Variants in NME7 observed in about 807,000 individuals in gnomAD.
NME7 encodes NME/NM23 family member 7.
NME7 carries 41 observed loss-of-function variants against 49.1 expected under a neutral mutation model. The observed-to-expected ratio is 0.83, with a 90% CI of 0.65 to 1.08. The LOEUF (loss-of-function observed/expected upper bound fraction) is 1.08, where lower values mean the gene tolerates loss of function less well. Ranked by LOEUF, NME7 falls within the 50% of genes least tolerant of loss-of-function variation. The pLI is 0.00. For synonymous variants in NME7, 139 were observed against 150.6 expected (o/e 0.92, Z 0.56); for missense variants, 423 against 463.4 (o/e 0.91, Z 0.80).
intron 1 of NME7, among the ~76,000 whole-genome samples, chr1:169,355,052 A>C: frequency 1.3e-5 from 1 of 76,036 alleles, no homozygotes; most frequent in Non-Finnish European, 2.3e-5. Context: ...GATATAATAT[A>C]TAATATACTA....
chr1:169,247,430 T>C (rs1648368549), intron 7 of NME7, among the ~76,000 whole-genome samples: 1 of 152,192 alleles, frequency 6.6e-6, no homozygotes, highest in Admixed American at 6.5e-5. Flanking sequence ...CTAGGAGATT[T>C]TCATGAATGT....
At chr1:169,253,561 T>C (rs1372610513) in intron 7 of NME7, among the ~76,000 whole-genome samples, 1 of 152,162 alleles carries the variant, frequency 6.6e-6, no homozygotes, top group Non-Finnish European at 1.5e-5. Flanking sequence ...TATTTCCTTC[T>C]CCTGCCTAAT....
chr1:169,176,233 C>A (rs1333233529), intron 10 of NME7, among the ~76,000 whole-genome samples: 1 of 151,982 alleles, frequency 6.6e-6, no homozygotes, highest in Non-Finnish European at 1.5e-5. Flanking sequence ...AGGGAGAGAC[C>A]CAGAGGCTAC....
At chr1:169,269,126 C>T (rs1421146769) in intron 7 of NME7, among the ~76,000 whole-genome samples, 1 of 133,360 alleles carries the variant, frequency 7.5e-6, no homozygotes, top group African/African-American at 2.5e-5. Flanking sequence ...TTTGTAGGGA[C>T]TAACAGAACT....
chr1:169,177,415 A>G (rs1659783825), intron 10 of NME7, among the ~76,000 whole-genome samples: 2 of 152,154 alleles, frequency 1.3e-5, no homozygotes, highest in Admixed American at 1.3e-4. Context: ...AGCAGTTAGA[A>G]TAAGCTTTAA....
Position 169,267,307 on chromosome 1 carries a change from T to C in NME7, c.754+19996A>G, listed in dbSNP as rs1427642467. 3.0e-5 allele frequency among the ~76,000 whole-genome samples: 4 copies of C among 133,820 alleles called. 1 individual carries two copies. Among genetic ancestry groups the C allele is most frequent in the African/African-American group, 5.1e-5 (2 of 39,474 alleles). The allele number at this position is 133,820 out of a possible 152,430, so 87.8% of individuals were successfully genotyped here. ...TGTAAGAACATTCCATGCTCTTAGA[T>C]GGGAAGAATCAATATCATTAAAATG... On this transcript the variant is annotated intron_variant, in intron 7 of 11. Coordinates refer to ENST00000367811, the MANE Select transcript of NME7 (RefSeq NM_013330.5).
chr1:169,151,864 C>T (rs535046451), intron 11 of NME7, among the ~76,000 whole-genome samples: 1 of 152,178 alleles, frequency 6.6e-6, no homozygotes, highest in African/African-American at 2.4e-5. Flanking sequence ...CCTACATGAC[C>T]TGATCTGAAG....
At position 169,259,217 on chromosome 1, in the gene NME7, C is replaced by T. The variant is rs1024397579; in HGVS notation, c.755-21530G>A. 1.1e-4 allele frequency among the ~76,000 whole-genome samples: 15 copies of T among 133,032 alleles called. 4 individuals are homozygous for T. Among genetic ancestry groups the T allele is most frequent in the Non-Finnish European group, 8.8e-5 (5 of 56,650 alleles). 87.3% of individuals were successfully genotyped at this position (133,032 alleles called of 152,430 possible). On this transcript the variant is annotated intron_variant, in intron 7 of 11. Coordinates refer to ENST00000367811, the MANE Select transcript of NME7 (RefSeq NM_013330.5). ...ATCACCCACATCAAAAGCCCACCCT[C>T]GAAGCCCTCTATATATGCCTCCCAA...
chr1:169,207,353 G>A (rs569102463), intron 10 of NME7, among the ~76,000 whole-genome samples: 3 of 152,174 alleles, frequency 2.0e-5, no homozygotes, highest in East Asian at 1.9e-4. Context: ...TACCTCCAAT[G>A]CTGAGAATCA....
At chr1:169,315,206 T>C (rs1239430107) in intron 3 of NME7, among the ~76,000 whole-genome samples, 1 of 151,958 alleles carries the variant, frequency 6.6e-6, no homozygotes, top group African/African-American at 2.4e-5. Context: ...TGAATAAATA[T>C]ATAAAACTAT....
intron 10 of NME7, among the ~76,000 whole-genome samples, chr1:169,172,323 C>CGTGTGTGTGTGTGTGTGTGT (rs200830717): frequency 1.6e-5 from 2 of 127,788 alleles, no homozygotes; most frequent in African/African-American, 5.5e-5. Context: ...CAAAAACATA[C>CGTGTGTGTGTGTGTGTGTGT]GTGTGTGTGT....
intron 10 of NME7, among the ~76,000 whole-genome samples, chr1:169,225,560 C>T (rs1647298340): frequency 6.6e-6 from 1 of 152,140 alleles, no homozygotes; most frequent in Non-Finnish European, 1.5e-5. Flanking sequence ...CACTGCAGGG[C>T]TTTAAGCAGA....
intron 9 of NME7, among the ~76,000 whole-genome samples, chr1:169,232,434 C>T (rs1005248804): frequency 6.6e-6 from 1 of 151,486 alleles, no homozygotes; most frequent in Non-Finnish European, 1.5e-5. Context: ...TTGCTGAAAC[C>T]CATAAACCTA....
At chr1:169,354,048 C>T (rs1653285139) in intron 1 of NME7, among the ~76,000 whole-genome samples, 1 of 151,966 alleles carries the variant, frequency 6.6e-6, no homozygotes, top group Admixed American at 6.6e-5. Context: ...ATCCCACCAC[C>T]GGGTCTATAC....
intron 1 of NME7, among the ~76,000 whole-genome samples, chr1:169,325,742 T>A (rs1490916336): frequency 6.6e-6 from 1 of 152,178 alleles, no homozygotes; most frequent in African/African-American, 2.4e-5. Flanking sequence ...TCTAATGATG[T>A]TTATAATATA....
intron 10 of NME7, among the ~76,000 whole-genome samples, chr1:169,209,237 A>G (rs1426749436): frequency 6.6e-6 from 1 of 152,086 alleles, no homozygotes; most frequent in South Asian, 2.1e-4. Flanking sequence ...AATAGATGCC[A>G]AAGTTAAAAT....
intron 4 of NME7, among the ~76,000 whole-genome samples, chr1:169,304,554 T>A (rs1380935814): frequency 6.6e-6 from 1 of 152,138 alleles, no homozygotes; most frequent in African/African-American, 2.4e-5. Context: ...ATAAAATTCA[T>A]CCCGAGACAT....
At chr1:169,361,702 C>A (rs916426708) in intron 1 of NME7, among the ~76,000 whole-genome samples, 4 of 151,680 alleles carry the variant, frequency 2.6e-5, no homozygotes, top group African/African-American at 9.7e-5. Context: ...ATTGCTTGAA[C>A]CCAGGAGGCA....
chr1:169,178,417 T>C (rs1158798437), intron 10 of NME7, among the ~76,000 whole-genome samples: 4 of 152,138 alleles, frequency 2.6e-5, no homozygotes, highest in African/African-American at 9.7e-5. Context: ...GTGTTTGAGT[T>C]GTGGCAGACT....
Sources: gnomAD v4.1 joint callset for allele counts (sites outside exome capture counted in the v4.1 genomes callset) on GRCh38, gnomAD v4.1.1 for gene constraint, MANE v1.5 for transcripts, NCBI Gene and HGNC (gene_info 2026-07-23, HGNC 2026-07-21) for gene names.